Variants in NAPB observed in about 807,000 individuals in gnomAD.
The protein encoded by NAPB is beta-soluble NSF attachment protein.
A neutral mutation model predicts 44.7 loss-of-function variants in NAPB; 26 were observed. That is an observed-to-expected ratio of 0.58 (90% CI 0.43 to 0.81). The LOEUF is 0.81. Among genes scored for constraint, NAPB ranks in the 30% least tolerant of loss-of-function variants. The pLI is 0.00. For synonymous variants in NAPB, 120 were observed against 116.8 expected, an observed-to-expected ratio of 1.03 and a Z score of -0.18; for missense variants, 315 against 356.4, an observed-to-expected ratio of 0.88 and a Z score of 0.94.
At chr20:23,390,943 C>T (rs79779263) in intron 5 of NAPB, among the ~76,000 whole-genome samples, 3,727 of 152,274 alleles carry the variant, frequency 0.024, 151 homozygotes, top group African/African-American at 0.084. Flanking sequence ...AAACAGAGAT[C>T]ACAGGCCAGA....
At chr20:23,416,914 A>C (rs1268351909) in intron 1 of NAPB, among the ~76,000 whole-genome samples, 1 of 152,196 alleles carries the variant, frequency 6.6e-6, no homozygotes, top group Non-Finnish European at 1.5e-5. Flanking sequence ...ATTTTCACAA[A>C]CAACCAACAA....
intron 10 of NAPB, chr20:23,378,822 T>TTTC (rs1982743649): frequency 8.1e-6 from 1 of 123,694 alleles, no homozygotes; most frequent in Non-Finnish European, 1.8e-5. Context: ...TTAATTTTTT[T>TTTC]TTTCTTTTTT....
rs1398188288 is a variant in NAPB at position 23,379,931 on chromosome 20, G to C, written c.671C>G (p.Ala224Gly). Reference protein sequence around the residue: ...FIVDELNAKLALEKYEEMFPA... With the variant: ...FIVDELNAKLGLEKYEEMFPA... Reference sequence around the variant, plus strand: ...AAACATTTCCTCATATTTCTCAAGAGCAAGCTGAGAGAGAAAAACCACTCA... The same window carrying C: ...AAACATTTCCTCATATTTCTCAAGACCAAGCTGAGAGAGAAAAACCACTCA... Residue 224 changes from alanine to glycine, a missense_variant, in exon 9 of 11, where the codon GCT (alanine) becomes GGT (glycine). Transcript: ENST00000377026. 1.2e-6 allele frequency: 2 copies of C among 1,612,516 alleles called. No homozygotes were observed. The highest frequency in any genetic ancestry group is 1.3e-5 in the African/African-American group (1 of 74,892).
rs1986394245 is a variant in NAPB at position 23,421,161 on chromosome 20, G to A, written c.98+144C>T. The A allele has an allele frequency of 1.1e-5, 7 of 625,122 alleles. 1 individual carries two copies. The highest frequency in any genetic ancestry group is 2.1e-5 in the South Asian group (1 of 46,790). The allele number at this position is 625,122 out of a possible 1,614,324, so 38.7% of individuals were successfully genotyped here. Reference sequence around the variant, plus strand: ...CGCTGGGGGACCCTACAGGATTTCTGGAGGGCGCCTGCAGGCTGAGGGCCC... The same window carrying A: ...CGCTGGGGGACCCTACAGGATTTCTAGAGGGCGCCTGCAGGCTGAGGGCCC... On this transcript the variant is annotated intron_variant, in intron 1 of 10. Transcript: ENST00000377026.
chr20:23,409,618 T>C (rs1242685476), intron 1 of NAPB, among the ~76,000 whole-genome samples: 1 of 152,190 alleles, frequency 6.6e-6, no homozygotes, highest in African/African-American at 2.4e-5. Flanking sequence ...ATTTCAGTCT[T>C]TATAAAAATT....
intron 5 of NAPB, among the ~76,000 whole-genome samples, chr20:23,394,620 T>TA (rs1984216510): frequency 6.6e-6 from 1 of 152,184 alleles, no homozygotes; most frequent in African/African-American, 2.4e-5. Flanking sequence ...CACTGGGCCT[T>TA]AGAGTACTAA....
At chr20:23,416,794 C>G (rs1261432896) in intron 1 of NAPB, among the ~76,000 whole-genome samples, 1 of 152,154 alleles carries the variant, frequency 6.6e-6, no homozygotes, top group Non-Finnish European at 1.5e-5. Context: ...CCTATGTTAT[C>G]ACATGGCCCC....
intron 10 of NAPB, chr20:23,378,670 G>C (rs1982729162): frequency 6.6e-6 from 1 of 151,008 alleles, no homozygotes; most frequent in Admixed American, 6.6e-5. Context: ...TCAAACTCCT[G>C]ATCTCAGGTG....
At position 23,420,817 on chromosome 20, in the gene NAPB, CCCAG is replaced by C. The variant is rs1462479778; in HGVS notation, c.98+484_98+487del. Among the ~76,000 whole-genome samples the C allele has an allele frequency of 7.8e-3, 1,177 of 151,414 alleles. 20 individuals carry two copies. The highest frequency in any genetic ancestry group is 0.027 in the African/African-American group (1,100 of 41,258). ...GGCGCGTGAGGCTGACAGCCCCCCC[CCCAG>C]AGTGTTCTAGGGGCTTCGTGGGGCG... On this transcript the variant is annotated intron_variant, in intron 1 of 10. Transcript: ENST00000377026.
At chr20:23,385,300 G>C (rs1186634622) in intron 7 of NAPB, among the ~76,000 whole-genome samples, 1 of 152,156 alleles carries the variant, frequency 6.6e-6, no homozygotes, top group Non-Finnish European at 1.5e-5. Flanking sequence ...ACCAGAGACA[G>C]AGAAGGACAT....
At position 23,407,503 on chromosome 20, in the gene NAPB, G is replaced by A. The variant is rs375081952; in HGVS notation, c.99-4431C>T. Among the ~76,000 whole-genome samples the A allele has an allele frequency of 2.7e-4, 41 of 152,084 alleles. 2 individuals are homozygous for A. In the South Asian group the frequency reaches 8.1e-3, roughly 30 times the overall value. On this transcript the variant is annotated intron_variant, in intron 1 of 10. Transcript: ENST00000377026. ...GGAAGAAGAAAACATTTTCCCCACC[G>A]TGAAAGAAAACACTGCCCAGCTAGC...
chr20:23,389,394 T>A (rs1301069055), intron 7 of NAPB, among the ~76,000 whole-genome samples: 1 of 152,178 alleles, frequency 6.6e-6, no homozygotes. Flanking sequence ...GTCCAGCAAC[T>A]GCAATTCTAT....
intron 7 of NAPB, among the ~76,000 whole-genome samples, chr20:23,382,101 T>C (rs1483474619): frequency 1.3e-5 from 2 of 152,216 alleles, no homozygotes; most frequent in South Asian, 4.1e-4. Flanking sequence ...GCTGGTGTGC[T>C]GTCAGAAGAG....
chr20:23,381,787 G>A (rs1327650719), intron 7 of NAPB, among the ~76,000 whole-genome samples: 1 of 152,090 alleles, frequency 6.6e-6, no homozygotes, highest in Non-Finnish European at 1.5e-5. Flanking sequence ...ACTAGAAAAG[G>A]GGCAGCCCAG....
At chr20:23,393,779 A>T (rs1984148011) in intron 5 of NAPB, among the ~76,000 whole-genome samples, 1 of 152,164 alleles carries the variant, frequency 6.6e-6, no homozygotes. Context: ...TTAATCATGG[A>T]AATAGGTAAT....
At chr20:23,392,990 A>G (rs1020854828) in intron 5 of NAPB, among the ~76,000 whole-genome samples, 3 of 152,320 alleles carry the variant, frequency 2.0e-5, no homozygotes, top group Non-Finnish European at 4.4e-5. Flanking sequence ...GGAAGCTGGA[A>G]CAGGAGCCTC....
intron 7 of NAPB, among the ~76,000 whole-genome samples, chr20:23,389,128 C>A (rs961095107): frequency 1.4e-5 from 2 of 147,504 alleles, no homozygotes; most frequent in Non-Finnish European, 3.0e-5. Flanking sequence ...TACAAATAGC[C>A]AATAAGCAAA....
chr20:23,401,444 G>A (rs1343740579), intron 2 of NAPB, among the ~76,000 whole-genome samples: 2 of 152,310 alleles, frequency 1.3e-5, no homozygotes, highest in South Asian at 4.1e-4. Flanking sequence ...GTATGACAAT[G>A]TCAGGAGGCT....
chr20:23,400,982 A>G (rs1281023765), intron 2 of NAPB, among the ~76,000 whole-genome samples: 1 of 152,120 alleles, frequency 6.6e-6, no homozygotes, highest in Non-Finnish European at 1.5e-5. Flanking sequence ...AGTGTTGGAG[A>G]AAGAAAAAAA....
Sources: gnomAD v4.1 joint callset for allele counts (sites outside exome capture counted in the v4.1 genomes callset) on GRCh38, gnomAD v4.1.1 for gene constraint, MANE v1.5 for transcripts, NCBI Gene and HGNC (gene_info 2026-07-23, HGNC 2026-07-21) for gene names.